Variants in PCDH15 observed in about 807,000 individuals in gnomAD.
PCDH15 encodes protocadherin-15.
Under a neutral mutation model 178.5 loss-of-function variants are expected in PCDH15, and 129 were observed. The ratio of observed to expected loss-of-function variants is 0.72; its 90% CI spans 0.63 to 0.84. PCDH15 has a LOEUF of 0.84. PCDH15 is among the 40% of genes least tolerant of loss of function. The pLI is 0.00. For missense variants in PCDH15, 2,230 were observed against 2,099.9 expected, an observed-to-expected ratio of 1.06 and a Z score of -1.21; for synonymous variants, 800 against 732.0, an observed-to-expected ratio of 1.09 and a Z score of -1.50.
chr10:54,501,019 A>G (rs2080628610), intron 3 of PCDH15, among the ~76,000 whole-genome samples: 1 of 152,080 alleles, frequency 6.6e-6, no homozygotes, highest in Non-Finnish European at 1.5e-5. Context: ...GTTCTCACTC[A>G]TAAGTGGGAG....
At chr10:55,285,130 ATATAAACTT>A (rs1190290902) in intron 1 of PCDH15, among the ~76,000 whole-genome samples, 1,785 of 146,980 alleles carry the variant, frequency 0.012, 48 homozygotes, top group African/African-American at 0.042. Context: ...CAAGTTTACC[ATATAAACTT>A]GTATTTATAT....
At chr10:55,607,038 A>G (rs1843236629) in intron 2 of PCDH15, among the ~76,000 whole-genome samples, 1 of 152,148 alleles carries the variant, frequency 6.6e-6, no homozygotes, top group Admixed American at 6.6e-5. Flanking sequence ...AATGAACTCA[A>G]ACAAATTTAC....
chr10:53,882,709 A>G (rs1161253143), intron 26 of PCDH15, among the ~76,000 whole-genome samples: 2 of 152,116 alleles, frequency 1.3e-5, no homozygotes, highest in Non-Finnish European at 1.5e-5. Flanking sequence ...TGAACCACTG[A>G]TGGAATTGTA....
At chr10:54,568,780 C>A (rs1402896077) in intron 2 of PCDH15, 3 of 151,886 alleles carry the variant, frequency 2.0e-5, no homozygotes, top group African/African-American at 7.3e-5. Context: ...CTAATGGTAC[C>A]TTTTTCTATT....
chr10:54,183,521 TATC>T lies in PCDH15; in HGVS notation c.1510_1512del (p.Asp504del), dbSNP rs866347376. 6.2e-7 allele frequency: 1 copy of T among 1,613,792 alleles called. No homozygotes were observed. The highest frequency in any genetic ancestry group is 8.5e-7 in the Non-Finnish European group (1 of 1,179,836). ...GATATTTCAGGGAAGGTTGGCGTGT[TATC>T]ATTTGCATCCATCACTTGAATATTG... On this transcript the variant is annotated inframe_deletion, in exon 13 of 38. Transcript: ENST00000644397.
intron 21 of PCDH15, among the ~76,000 whole-genome samples, chr10:53,971,793 A>C (rs548213924): frequency 7.2e-5 from 11 of 152,336 alleles, no homozygotes; most frequent in African/African-American, 2.6e-4. Context: ...AAAAGAGGAC[A>C]CAAACAAATG....
At chr10:54,337,030 G>T (rs1941305702) in intron 6 of PCDH15, among the ~76,000 whole-genome samples, 1 of 152,032 alleles carries the variant, frequency 6.6e-6, no homozygotes, top group South Asian at 2.1e-4. Context: ...GGAGCTTTAA[G>T]ATTTGACTGC....
At chr10:54,354,461 G>C (rs1355359464) in intron 5 of PCDH15, among the ~76,000 whole-genome samples, 2 of 152,154 alleles carry the variant, frequency 1.3e-5, no homozygotes, top group East Asian at 3.9e-4. Context: ...TTCTCAGAGA[G>C]AATGTGCCCA....
At chr10:55,537,824 A>G (rs1246910614) in intron 2 of PCDH15, among the ~76,000 whole-genome samples, 2 of 152,176 alleles carry the variant, frequency 1.3e-5, no homozygotes, top group Non-Finnish European at 2.9e-5. Flanking sequence ...AACCTTTCAG[A>G]GATTTTACAC....
chr10:54,951,045 T>C (rs543112456), intron 2 of PCDH15, among the ~76,000 whole-genome samples: 1 of 152,080 alleles, frequency 6.6e-6, no homozygotes, highest in South Asian at 2.1e-4. Flanking sequence ...TGTATTTGTT[T>C]AAATTGGTGA....
chr10:54,819,199 G>A (rs898665101), intron 3 of PCDH15, among the ~76,000 whole-genome samples: 2 of 150,564 alleles, frequency 1.3e-5, no homozygotes, highest in Non-Finnish European at 2.9e-5. Flanking sequence ...TGGACATGCA[G>A]GTCCCATATT....
chr10:54,073,593 C>A (rs2094287416), intron 17 of PCDH15, among the ~76,000 whole-genome samples: 2 of 152,108 alleles, frequency 1.3e-5, no homozygotes, highest in Non-Finnish European at 2.9e-5. Context: ...AGTCTTCTAG[C>A]AATCTGAAAT....
intron 13 of PCDH15, among the ~76,000 whole-genome samples, chr10:54,159,303 G>A (rs1015846906): frequency 2.6e-5 from 4 of 151,922 alleles, no homozygotes; most frequent in African/African-American, 9.7e-5. Context: ...TAGAACTACT[G>A]TAAAAGAGTG....
chr10:55,084,179 C>A (rs572682122), intron 2 of PCDH15, among the ~76,000 whole-genome samples: 30 of 151,730 alleles, frequency 2.0e-4, no homozygotes, highest in Non-Finnish European at 3.7e-4. Flanking sequence ...ATTAATACCA[C>A]AAAGCTATTG....
At chr10:54,044,471 GA>G (rs1170180385) in intron 18 of PCDH15, among the ~76,000 whole-genome samples, 1 of 152,118 alleles carries the variant, frequency 6.6e-6, no homozygotes, top group Non-Finnish European at 1.5e-5. Flanking sequence ...TGGTATCATT[GA>G]AAAGTTCAGT....
chr10:55,063,798 A>G (rs1841498477), intron 2 of PCDH15, among the ~76,000 whole-genome samples: 1 of 152,118 alleles, frequency 6.6e-6, no homozygotes, highest in South Asian at 2.1e-4. Context: ...ATTCACACAT[A>G]CTTCATAATC....
chr10:54,413,787 G>A (rs553490761), intron 3 of PCDH15, among the ~76,000 whole-genome samples: 5 of 152,130 alleles, frequency 3.3e-5, no homozygotes, highest in South Asian at 2.1e-4. Flanking sequence ...GAGAACATGC[G>A]GTATTAGACT....
At chr10:54,613,226 A>G (rs1165342850) in intron 2 of PCDH15, among the ~76,000 whole-genome samples, 1 of 151,934 alleles carries the variant, frequency 6.6e-6, no homozygotes, top group Non-Finnish European at 1.5e-5. Context: ...AGTATGCCTT[A>G]GAAACACAGC....
intron 2 of PCDH15, among the ~76,000 whole-genome samples, chr10:55,446,504 C>T (rs191487617): frequency 6.6e-6 from 1 of 151,764 alleles, no homozygotes; most frequent in Non-Finnish European, 1.5e-5. Flanking sequence ...ATCATAAAAA[C>T]GGGAAGATAA....
Sources: allele counts gnomAD v4.1 joint callset (sites outside exome capture counted in the v4.1 genomes callset), GRCh38; gene constraint gnomAD v4.1.1; transcripts MANE v1.5; gene names NCBI Gene and HGNC (gene_info 2026-07-23, HGNC 2026-07-21).